ATRNL1: variants seen among roughly 807,000 people sequenced by gnomAD.
ATRNL1 encodes the protein attractin-like protein 1.
In ATRNL1, 95 loss-of-function variants were observed where a neutral mutation model predicts 182.7. The observed-to-expected ratio is 0.52, with a 90% CI of 0.44 to 0.62. The LOEUF (loss-of-function observed/expected upper bound fraction) is 0.62. Among genes scored for constraint, ATRNL1 ranks in the 20% least tolerant of loss-of-function variants. The probability of loss-of-function intolerance (pLI) is 0.00; values close to 1 mark genes in which losing one functional copy is unlikely to be tolerated. For missense variants in ATRNL1, 1,471 were observed against 1,679.5 expected, an observed-to-expected ratio of 0.88 and a Z score of 2.17; for synonymous variants, 576 against 568.3, an observed-to-expected ratio of 1.01 and a Z score of -0.19.
At chr10:115,184,994 A>G (rs1847888052) in intron 8 of ATRNL1, among the ~76,000 whole-genome samples, 1 of 152,020 alleles carries the variant, frequency 6.6e-6, no homozygotes, top group African/African-American at 2.4e-5. Context: ...CTAAAAAATA[A>G]GTAAATATAT....
chr10:115,837,507 CA>C (rs1555095853), intron 27 of ATRNL1, among the ~76,000 whole-genome samples: 3 of 130,632 alleles, frequency 2.3e-5, no homozygotes, highest in Admixed American at 7.4e-5. Context: ...CACACACACA[CA>C]CACACACACA....
intron 15 of ATRNL1, among the ~76,000 whole-genome samples, chr10:115,289,442 C>T (rs1179901988): frequency 1.3e-5 from 2 of 152,218 alleles, no homozygotes; most frequent in South Asian, 2.1e-4. Context: ...AGGTCTTGTT[C>T]ATAAAATCTT....
intron 24 of ATRNL1, among the ~76,000 whole-genome samples, chr10:115,506,694 T>A (rs1850128717): frequency 6.6e-6 from 1 of 152,038 alleles, no homozygotes; most frequent in African/African-American, 2.4e-5. Flanking sequence ...AAACTTTAGA[T>A]CTCGACCAAA....
chr10:115,399,256 T>C (rs1279476931), intron 20 of ATRNL1, among the ~76,000 whole-genome samples: 1 of 151,620 alleles, frequency 6.6e-6, no homozygotes, highest in Non-Finnish European at 1.5e-5. Context: ...CTCAATTTTT[T>C]ATTGAGGAGA....
chr10:115,495,724 G>A (rs1849515714), intron 24 of ATRNL1, among the ~76,000 whole-genome samples: 1 of 151,270 alleles, frequency 6.6e-6, no homozygotes, highest in Non-Finnish European at 1.5e-5. Flanking sequence ...AATTTGCTGA[G>A]AATTGTTTTA....
intron 26 of ATRNL1, among the ~76,000 whole-genome samples, chr10:115,559,294 A>G (rs1252116782): frequency 4.6e-5 from 7 of 152,188 alleles, no homozygotes; most frequent in African/African-American, 1.7e-4. Context: ...TAAATTTCCA[A>G]TTAGATACAT....
At chr10:115,470,309 TTAC>T (rs1848245696) in intron 24 of ATRNL1, among the ~76,000 whole-genome samples, 1 of 150,482 alleles carries the variant, frequency 6.6e-6, no homozygotes, top group South Asian at 2.1e-4. Flanking sequence ...TGAGGATAAA[TTAC>T]TATTCAGTTC....
intron 1 of ATRNL1, among the ~76,000 whole-genome samples, chr10:115,110,900 G>C (rs1844228967): frequency 6.6e-6 from 1 of 152,142 alleles, no homozygotes. Context: ...GCCATGAATG[G>C]TTAGAATTAA....
intron 26 of ATRNL1, among the ~76,000 whole-genome samples, chr10:115,574,450 T>G (rs1222093902): frequency 6.6e-6 from 1 of 152,024 alleles, no homozygotes; most frequent in African/African-American, 2.4e-5. Flanking sequence ...TCCTTCAAAT[T>G]TACTTCACTT....
intron 19 of ATRNL1, among the ~76,000 whole-genome samples, chr10:115,388,076 A>G (rs1843761028): frequency 1.3e-5 from 2 of 152,202 alleles, no homozygotes; most frequent in African/African-American, 4.8e-5. Flanking sequence ...AGTGGGAAGA[A>G]GGCGTATTCT....
chr10:115,686,333 A>G lies in ATRNL1; in HGVS notation c.3796-40915A>G, dbSNP rs377334631. Among the ~76,000 whole-genome samples, 10 of 152,130 alleles carry G rather than the reference A, an allele frequency of 6.6e-5. 1 individual carries two copies. Among genetic ancestry groups the G allele is most frequent in the African/African-American group, 1.9e-4 (8 of 41,554 alleles). On this transcript the variant is annotated intron_variant, in intron 26 of 28. Coordinates refer to ENST00000355044, the MANE Select transcript of ATRNL1 (RefSeq NM_207303.4). ...ACAGCAAAAGACTCTGCTTCCTTACATAGTTCTAGAGAATTCTAGCCTCAC... is the reference window on the plus strand; with the variant it reads ...ACAGCAAAAGACTCTGCTTCCTTACGTAGTTCTAGAGAATTCTAGCCTCAC...
intron 26 of ATRNL1, among the ~76,000 whole-genome samples, chr10:115,648,145 G>A (rs34365829): frequency 0.03 from 4,499 of 152,130 alleles, 95 homozygotes; most frequent in Non-Finnish European, 0.046. Flanking sequence ...AAAATCACAA[G>A]CATTCCTATA....
chr10:115,801,206 T>C (rs78932512), intron 27 of ATRNL1, among the ~76,000 whole-genome samples: 5,912 of 152,264 alleles, frequency 0.039, 340 homozygotes, highest in African/African-American at 0.12. Flanking sequence ...GATAATGGTA[T>C]ACTAGTTAAC....
At chr10:115,773,284 A>C (rs782703057) in intron 27 of ATRNL1, among the ~76,000 whole-genome samples, 2 of 152,264 alleles carry the variant, frequency 1.3e-5, no homozygotes, top group East Asian at 3.9e-4. Context: ...TTCTTCATTG[A>C]GTTCATTCCT....
chr10:115,711,019 CTGGGTAATAGCATAGCTATTGTTGG>C (rs1947047493), intron 26 of ATRNL1, among the ~76,000 whole-genome samples: 1 of 152,020 alleles, frequency 6.6e-6, no homozygotes, highest in Non-Finnish European at 1.5e-5. Context: ...AAAATGGACA[CTGGGTAATAGCATAGCTATTGTTGG>C]TGGTTTCTGA....
intron 26 of ATRNL1, among the ~76,000 whole-genome samples, chr10:115,621,228 G>A (rs1479623834): frequency 7.1e-6 from 1 of 140,154 alleles, no homozygotes; most frequent in Non-Finnish European, 1.5e-5. Flanking sequence ...TCCTTATAGA[G>A]TTCAAATAAT....
chr10:115,933,405 C>T (rs551739658), intron 28 of ATRNL1, among the ~76,000 whole-genome samples: 5 of 129,604 alleles, frequency 3.9e-5, no homozygotes, highest in African/African-American at 2.3e-4. Flanking sequence ...CTAACAAGAC[C>T]AAATGCACAT....
chr10:115,167,852 AG>A (rs1436182771), intron 7 of ATRNL1, among the ~76,000 whole-genome samples: 1 of 152,096 alleles, frequency 6.6e-6, no homozygotes, highest in Non-Finnish European at 1.5e-5. Flanking sequence ...TGTACAATTC[AG>A]TGGTTTTTAG....
At chr10:115,745,701 G>A (rs782463899) in intron 27 of ATRNL1, among the ~76,000 whole-genome samples, 67 of 152,108 alleles carry the variant, frequency 4.4e-4, no homozygotes, top group Non-Finnish European at 6.5e-4. Context: ...GATTGGTGCA[G>A]ATGTAATGGC....
Sources: gnomAD v4.1 joint callset for allele counts (sites outside exome capture counted in the v4.1 genomes callset) on GRCh38, gnomAD v4.1.1 for gene constraint, MANE v1.5 for transcripts, NCBI Gene and HGNC (gene_info 2026-07-23, HGNC 2026-07-21) for gene names.